Variants in TRPM1 observed in about 807,000 individuals in gnomAD.
The protein encoded by TRPM1 is transient receptor potential cation channel subfamily M member 1, also known as TRPM1-203 APA Isoform, Intron 10.
TRPM1 carries 113 observed loss-of-function variants against 149.4 expected under a neutral mutation model. The ratio of observed to expected loss-of-function variants is 0.76; its 90% confidence interval spans 0.65 to 0.88. The LOEUF (loss-of-function observed/expected upper bound fraction) is 0.88. TRPM1 is among the 40% of genes least tolerant of loss of function. The pLI, the probability that TRPM1 is intolerant of heterozygous loss-of-function variation, is 0.00. For missense variants in TRPM1, 1,976 were observed against 2,038.7 expected (o/e 0.97, Z 0.59); for synonymous variants, 741 against 759.5 (o/e 0.98, Z 0.40).
intron 9 of TRPM1, among the ~76,000 whole-genome samples, chr15:31,061,809 C>T (rs1011040799): frequency 6.6e-6 from 1 of 152,042 alleles, no homozygotes; most frequent in Non-Finnish European, 1.5e-5. Context: ...CTCAGCCTCC[C>T]AAGTGGCTGG....
At chr15:31,043,701 A>AAT (rs2033686193) in intron 16 of TRPM1, among the ~76,000 whole-genome samples, 1 of 152,222 alleles carries the variant, frequency 6.6e-6, no homozygotes, top group Non-Finnish European at 1.5e-5. Context: ...GATTTTCAAG[A>AAT]ATATATAAGA....
intron 7 of TRPM1, among the ~76,000 whole-genome samples, chr15:31,064,310 C>G (rs532775000): frequency 6.6e-6 from 1 of 152,346 alleles, no homozygotes; most frequent in African/African-American, 2.4e-5. Flanking sequence ...AGTGGCCCAT[C>G]AGTTAATGAC....
intron 1 of TRPM1, among the ~76,000 whole-genome samples, chr15:31,113,444 T>C (rs576986765): frequency 2.1e-4 from 31 of 145,984 alleles, no homozygotes; most frequent in South Asian, 1.1e-3. Context: ...TTTTTTTTTT[T>C]CAAAATCTCT....
Position 31,147,179 on chromosome 15 carries a change from T to C in TRPM1, c.54+13727A>G, listed in dbSNP as rs147106383. Among the ~76,000 whole-genome samples the C allele has an allele frequency of 2.0e-5, 3 of 152,346 alleles. No homozygotes were observed. The East Asian group carries it at 5.8e-4, about 29-fold the overall frequency. ...TGAGGCCTTTAAACTAGATTCGTTG[T>C]CATTTGGTCTTTTCACAGTCATCAC... On this transcript the variant is annotated intron_variant, in intron 1 of 26. Transcript: ENST00000542188.
At chr15:31,136,043 T>G (rs967013630) in intron 1 of TRPM1, among the ~76,000 whole-genome samples, 5 of 152,144 alleles carry the variant, frequency 3.3e-5, no homozygotes, top group African/African-American at 1.2e-4. Flanking sequence ...AAAACAAATC[T>G]GTCAACAAAT....
chr15:31,128,900 A>G (rs1011623695), intron 1 of TRPM1, among the ~76,000 whole-genome samples: 2 of 152,212 alleles, frequency 1.3e-5, no homozygotes, highest in Non-Finnish European at 2.9e-5. Flanking sequence ...GCTAATTCAG[A>G]TGAAAGCCCC....
chr15:31,085,146 T>C (rs1037310719), intron 1 of TRPM1, among the ~76,000 whole-genome samples: 1 of 152,110 alleles, frequency 6.6e-6, no homozygotes, highest in Non-Finnish European at 1.5e-5. Context: ...AAGACCAACA[T>C]AGCTTATTTT....
intron 11 of TRPM1, among the ~76,000 whole-genome samples, chr15:31,059,560 C>A (rs1596026291): frequency 6.6e-6 from 1 of 152,132 alleles, no homozygotes; most frequent in Non-Finnish European, 1.5e-5. Flanking sequence ...CATGCACTCC[C>A]ATGCCTGGCT....
upstream of TRPM1, among the ~76,000 whole-genome samples, chr15:31,103,711 G>A (rs370767676): frequency 6.6e-6 from 1 of 151,668 alleles, no homozygotes; most frequent in Non-Finnish European, 1.5e-5. Context: ...TACTCGGGAG[G>A]CTGAGGCAGG....
At chr15:31,126,725 A>G (rs933809296) in intron 1 of TRPM1, among the ~76,000 whole-genome samples, 5 of 152,130 alleles carry the variant, frequency 3.3e-5, no homozygotes, top group African/African-American at 1.2e-4. Context: ...GCACTTTGGG[A>G]GGCCAAGGCA....
At chr15:31,111,909 A>C (rs1269759304) in intron 1 of TRPM1, among the ~76,000 whole-genome samples, 1 of 152,202 alleles carries the variant, frequency 6.6e-6, no homozygotes, top group Non-Finnish European at 1.5e-5. Context: ...CCCCAAAAAA[A>C]TTTGGCTGTA....
At chr15:31,159,092 G>C (rs901583814) in intron 1 of TRPM1, among the ~76,000 whole-genome samples, 1 of 152,120 alleles carries the variant, frequency 6.6e-6, no homozygotes, top group African/African-American at 2.4e-5. Context: ...CCTCAGATAG[G>C]GGGAGGAGGT....
chr15:31,031,083 A>G lies in TRPM1; in HGVS notation c.3027T>C (p.Ile1009=). Residue 1009 remains isoleucine (I), a synonymous_variant, in exon 23 of 28, where the codon ATT becomes ATC. Transcript: ENST00000256552. Reference sequence around the variant, plus strand: ...AAGAGGGCTTCTCCTCTGGATGCAGAATGGCTTGACGGGCTACTCCGAAAC... The same window carrying G: ...AAGAGGGCTTCTCCTCTGGATGCAGGATGGCTTGACGGGCTACTCCGAAAC... ...LMSFGVARQA[I]LHPEEKPSWK... The G allele has an allele frequency of 2.5e-6, 4 of 1,614,178 alleles. No individual in the cohort carries two copies. The highest frequency in any genetic ancestry group is 3.4e-6 in the Non-Finnish European group (4 of 1,180,018).
chr15:31,158,962 G>C (rs1484210493), intron 1 of TRPM1, among the ~76,000 whole-genome samples: 1 of 152,000 alleles, frequency 6.6e-6, no homozygotes, highest in Non-Finnish European at 1.5e-5. Context: ...ATCTAGAGAC[G>C]AGGAATGCCT....
At chr15:31,032,174 A>C (rs1399764599) in intron 22 of TRPM1, among the ~76,000 whole-genome samples, 1 of 152,140 alleles carries the variant, frequency 6.6e-6, no homozygotes, top group Non-Finnish European at 1.5e-5. Flanking sequence ...TTCCTATTGC[A>C]TCAAAAATTG....
intron 1 of TRPM1, among the ~76,000 whole-genome samples, chr15:31,125,868 C>T (rs1290001503): frequency 2.0e-5 from 3 of 151,712 alleles, no homozygotes; most frequent in South Asian, 2.1e-4. Flanking sequence ...CAGTGGCTGA[C>T]GCTTGTAATC....
rs1472156092 is a variant in TRPM1, at chr15:31,071,979, ACATATATATATATAT to A, written c.84-1768_84-1754del. On this transcript the variant is annotated intron_variant, in intron 3 of 27. Transcript: ENST00000256552. ...ACTCCGTCTCAAAAAAAAAAAAAAA[ACATATATATATATAT>A]ATATATATATATATATATATATATA... Among the ~76,000 whole-genome samples the A allele has an allele frequency of 6.3e-4, 53 of 83,582 alleles. 1 individual carries two copies. Among genetic ancestry groups the A allele is most frequent in the African/African-American group, 1.0e-3 (18 of 17,894 alleles). The allele number at this position is 83,582 out of a possible 152,430, so 54.8% of individuals were successfully genotyped here.
chr15:31,072,013 A>G (rs2034568823), intron 3 of TRPM1, among the ~76,000 whole-genome samples: 1 of 33,306 alleles, frequency 3.0e-5, no homozygotes, highest in Non-Finnish European at 7.2e-5. Flanking sequence ...ATATATATAT[A>G]TATATAGAGA....
At chr15:31,141,163 C>G (rs572646409) in intron 1 of TRPM1, among the ~76,000 whole-genome samples, 1 of 151,868 alleles carries the variant, frequency 6.6e-6, no homozygotes, top group Non-Finnish European at 1.5e-5. Flanking sequence ...TATGGTGAAG[C>G]TAAATATGTT....
Sources: gnomAD v4.1 joint callset for allele counts (sites outside exome capture counted in the v4.1 genomes callset) on GRCh38, gnomAD v4.1.1 for gene constraint, MANE v1.5 for transcripts, NCBI Gene and HGNC (gene_info 2026-07-23, HGNC 2026-07-21) for gene names.